CACNG8: variants seen among roughly 807,000 people sequenced by gnomAD.
CACNG8 encodes voltage-dependent calcium channel gamma-8 subunit.
A neutral mutation model predicts 26.9 loss-of-function variants in CACNG8; 5 were observed. The ratio of observed to expected loss-of-function variants is 0.19; its 90% CI spans 0.10 to 0.39. The LOEUF (loss-of-function observed/expected upper bound fraction) is 0.39, where lower values mean the gene tolerates loss of function less well. Among genes scored for constraint, CACNG8 ranks in the 10% least tolerant of loss-of-function variants. The pLI is 1.00. For missense variants in CACNG8, 473 were observed against 609.4 expected, an observed-to-expected ratio of 0.78 and a Z score of 2.36; for synonymous variants, 321 against 296.7, an observed-to-expected ratio of 1.08 and a Z score of -0.84.
chr19:53,980,085 T>TGTGTGTGC (rs773734452), intron 3 of CACNG8, 78 bp downstream of exon 3: 50 of 1,012,290 alleles, frequency 4.9e-5, no homozygotes, highest in South Asian at 3.7e-4. Context: ...TGTGTGTGTG[T>TGTGTGTGC]GCGCGCGCGC....
chr19:53,981,010 G>C (rs927063293), intron 3 of CACNG8, among the ~76,000 whole-genome samples: 7 of 152,042 alleles, frequency 4.6e-5, no homozygotes, highest in Admixed American at 1.3e-4. Flanking sequence ...ACCCGAGACC[G>C]GCAAGGACCC....
In CACNG8 at chr19:53,982,049, T is replaced by G; in HGVS notation, c.509-31T>G. 6.6e-7 allele frequency: 1 copy of G among 1,519,006 alleles called. No homozygotes were observed. 94.1% of individuals were successfully genotyped at this position (1,519,006 alleles called of 1,614,324 possible). On this transcript the variant is annotated intron_variant, in intron 3 of 3. Coordinates refer to ENST00000270458, the MANE Select transcript of CACNG8 (RefSeq NM_031895.6). The surrounding 1 kb of genome is among the most constrained non-coding windows in gnomAD (Gnocchi z 8.4). ...GGCGGGGGCGGGGCCGGGGGTGGCC[T>G]CGAGGCTCCCGTCTGACCGTCCCCG...
At chr19:53,964,306 C>G (rs542599515) in intron 1 of CACNG8, among the ~76,000 whole-genome samples, 6 of 151,818 alleles carry the variant, frequency 4.0e-5, no homozygotes, top group Non-Finnish European at 7.4e-5. Flanking sequence ...GCTGCTGCTC[C>G]CCTGAAACTT....
At chr19:53,978,269 A>G in intron 2 of CACNG8, 40 bp downstream of exon 2, 3 of 1,546,086 alleles carry the variant, frequency 1.9e-6, no homozygotes, top group Non-Finnish European at 2.7e-6. Context: ...AGTGGGTCAA[A>G]TCGCGGGGCC....
chr19:53,965,984 G>A (rs965166320), intron 1 of CACNG8, among the ~76,000 whole-genome samples: 8 of 152,156 alleles, frequency 5.3e-5, no homozygotes, highest in East Asian at 1.9e-4. Flanking sequence ...TGAGGTCAGC[G>A]TGGCCGGGGC....
rs1218200698 is a variant in CACNG8, at chr19:53,982,200, G to A, written c.629G>A (p.Gly210Glu). 1.2e-6 allele frequency: 2 copies of A among 1,613,204 alleles called. No individual in the cohort carries two copies. The highest frequency in any genetic ancestry group is 1.7e-6 in the Non-Finnish European group (2 of 1,179,750). ...TACGGCTGGTCCTTCTACTTCGGCG[G>A]GCTGTCGTTCATCCTGGCCGAGGTG... Residue 210 changes from glycine (G) to glutamate (E), a missense_variant, in exon 4 of 4, where the codon GGG becomes GAG. Gly to Glu is a moderately conservative substitution (Grantham distance 98, BLOSUM62 -2). Coordinates refer to ENST00000270458, the MANE Select transcript of CACNG8 (RefSeq NM_031895.6). This position sits in a 1 kb window ranked among gnomAD's most constrained non-coding sequence, Gnocchi z 8.4.
chr19:53,973,625 G>A (rs760460945), intron 1 of CACNG8, among the ~76,000 whole-genome samples: 18 of 152,074 alleles, frequency 1.2e-4, no homozygotes, highest in Non-Finnish European at 1.8e-4. Context: ...TCGGGAGATC[G>A]AGACCATCCT....
chr19:53,963,623 C>G (rs2145931293), intron 1 of CACNG8, among the ~76,000 whole-genome samples, 198 bp downstream of exon 1: 1 of 152,160 alleles, frequency 6.6e-6, no homozygotes, highest in African/African-American at 2.4e-5. Flanking sequence ...TCCTGGCACC[C>G]TGCGGAATTC....
intron 1 of CACNG8, among the ~76,000 whole-genome samples, chr19:53,965,292 T>A (rs2069266208): frequency 6.6e-6 from 1 of 152,172 alleles, no homozygotes; most frequent in Non-Finnish European, 1.5e-5. Flanking sequence ...TGGCGGAAGA[T>A]CTAGCACAAG....
chr19:53,971,648 G>A (rs1039057332), intron 1 of CACNG8, among the ~76,000 whole-genome samples: 7 of 152,140 alleles, frequency 4.6e-5, no homozygotes, highest in African/African-American at 7.2e-5. Flanking sequence ...TATTAGTGCC[G>A]ACCATACAGA....
At chr19:53,971,057 C>T (rs551186434) in intron 1 of CACNG8, among the ~76,000 whole-genome samples, 4 of 151,804 alleles carry the variant, frequency 2.6e-5, no homozygotes, top group African/African-American at 7.2e-5. Flanking sequence ...TTTGGGAGGC[C>T]GAGGTGGGTG....
chr19:53,972,534 G>C (rs2069308928), intron 1 of CACNG8, among the ~76,000 whole-genome samples: 1 of 150,006 alleles, frequency 6.7e-6, no homozygotes, highest in Non-Finnish European at 1.5e-5. Context: ...GCTAATTTTT[G>C]TATTTTTAGA....
At chr19:53,981,283 T>C (rs921412778) in intron 3 of CACNG8, among the ~76,000 whole-genome samples, 5 of 151,720 alleles carry the variant, frequency 3.3e-5, no homozygotes, top group African/African-American at 1.2e-4. Flanking sequence ...AGGGTGGAGG[T>C]AGACTAACTA....
At chr19:53,973,016 C>T (rs1040030434) in intron 1 of CACNG8, among the ~76,000 whole-genome samples, 9 of 152,286 alleles carry the variant, frequency 5.9e-5, no homozygotes, top group Middle Eastern at 3.4e-3. Context: ...TGCCTACCTC[C>T]GAGGGTTTGT....
Position 53,978,166 on chromosome 19 carries a change from G to T in CACNG8, c.304G>T (p.Val102Leu). ...TCCAGGGTTGAAAAGAGGCGTCTGC[G>T]TGAAGATCAATCATTTCCCGGAGGA... is the stretch of plus-strand genomic sequence containing the variant. The change falls in exon 2 of 4, where the codon GTG becomes TTG. Residue 102 changes from valine (V) to leucine (L), a missense_variant. By Grantham distance (32) the Val-to-Leu change is conservative (BLOSUM62 1). Around this residue, in one of 6 missense-constraint regions of CACNG8, gnomAD observed 155 missense variants for 253.0 expected, o/e 0.61. Transcript: ENST00000270458. 6.2e-7 allele frequency: 1 copy of T among 1,613,016 alleles called. No homozygotes were observed. Among genetic ancestry groups the T allele is most frequent in the African/African-American group, 1.3e-5 (1 of 75,022 alleles).
intron 3 of CACNG8, 37 bp downstream of exon 3, chr19:53,980,044 AC>A (rs1413147328): frequency 3.2e-6 from 5 of 1,564,454 alleles, no homozygotes; most frequent in Middle Eastern, 1.7e-4. Flanking sequence ...GGGGCGGCCC[AC>A]CTGGGCGCGC....
At chr19:53,978,351 G>C (rs942490143) in intron 2 of CACNG8, 122 bp downstream of exon 2, 1 of 694,700 alleles carries the variant, frequency 1.4e-6, no homozygotes, top group Admixed American at 2.4e-5. Context: ...GCCGAGGTTA[G>C]CCTCCCAGCC....
chr19:53,970,389 C>T (rs2069295550), intron 1 of CACNG8, among the ~76,000 whole-genome samples: 1 of 150,518 alleles, frequency 6.6e-6, no homozygotes, highest in East Asian at 2.0e-4. Context: ...CTTTGGGAGG[C>T]TGAGGTGGAC....
intron 1 of CACNG8, among the ~76,000 whole-genome samples, chr19:53,967,852 T>G (rs1462342377): frequency 1.3e-5 from 2 of 152,090 alleles, no homozygotes; most frequent in Admixed American, 6.6e-5. Flanking sequence ...CTTTTTTTTT[T>G]GAATTCCATG....
Sources: allele counts gnomAD v4.1 joint callset (sites outside exome capture counted in the v4.1 genomes callset), GRCh38; gene constraint gnomAD v4.1.1; regional missense constraint gnomAD v4.1.1; non-coding constraint Gnocchi (gnomAD v3.1); transcripts MANE v1.5; gene names NCBI Gene and HGNC (gene_info 2026-07-23, HGNC 2026-07-21).